Variants in PACRG observed in about 807,000 individuals in gnomAD.
The protein encoded by PACRG is parkin coregulated gene protein.
In PACRG, 29 loss-of-function variants were observed where a neutral mutation model predicts 29.7. The observed-to-expected ratio is 0.98, with a 90% CI of 0.73 to 1.33. The LOEUF is 1.33. Ranked by LOEUF, PACRG falls within the 40% of genes most tolerant of loss-of-function variation. PACRG has a pLI of 0.00. For missense variants in PACRG, 279 were observed against 316.2 expected (o/e 0.88, Z 0.89); for synonymous variants, 116 against 118.7 (o/e 0.98, Z 0.15).
intron 2 of PACRG, among the ~76,000 whole-genome samples, chr6:163,057,536 C>T (rs1810704831): frequency 6.6e-6 from 1 of 152,170 alleles, no homozygotes; most frequent in Non-Finnish European, 1.5e-5. Context: ...CCATCTCAGC[C>T]TCCCAAATAG....
intron 4 of PACRG, among the ~76,000 whole-genome samples, chr6:163,232,268 T>C (rs1303167881): frequency 1.3e-5 from 2 of 152,176 alleles, no homozygotes; most frequent in Non-Finnish European, 2.9e-5. Flanking sequence ...AGAGTTCACC[T>C]GCACCAGGTG....
intron 4 of PACRG, among the ~76,000 whole-genome samples, chr6:163,260,885 G>T (rs1310238692): frequency 6.6e-6 from 1 of 152,088 alleles, no homozygotes; most frequent in Admixed American, 6.5e-5. Context: ...CCTCTCCCAG[G>T]GTCTCAGGAC....
chr6:162,743,586 A>T (rs1356865137), intron 1 of PACRG, among the ~76,000 whole-genome samples: 1 of 152,058 alleles, frequency 6.6e-6, no homozygotes, highest in Non-Finnish European at 1.5e-5. Context: ...CAATTCTTCC[A>T]GTTTTGATAA....
intron 1 of PACRG, among the ~76,000 whole-genome samples, chr6:162,747,782 G>A (rs899182810): frequency 6.6e-6 from 1 of 151,744 alleles, no homozygotes; most frequent in African/African-American, 2.4e-5. Context: ...TAGATCCCAA[G>A]GTAAACTAAG....
chr6:163,045,049 G>A (rs1013062251), intron 2 of PACRG, among the ~76,000 whole-genome samples: 1 of 152,186 alleles, frequency 6.6e-6, no homozygotes, highest in Non-Finnish European at 1.5e-5. Flanking sequence ...AAGGAGGTAG[G>A]CGTGGAGGGA....
chr6:163,264,869 G>T (rs531204031), intron 4 of PACRG, among the ~76,000 whole-genome samples: 1 of 152,262 alleles, frequency 6.6e-6, no homozygotes, highest in South Asian at 2.1e-4. Context: ...CGAGTCTTTC[G>T]CAAGTATGTA....
intron 4 of PACRG, among the ~76,000 whole-genome samples, chr6:163,108,392 CTTTTTTTTT>C (rs528887997): frequency 1.1e-4 from 10 of 90,540 alleles, no homozygotes; most frequent in East Asian, 3.5e-4. Flanking sequence ...TTCTCTTTCC[CTTTTTTTTT>C]TTTTTTTTTT....
At chr6:162,995,179 T>A (rs1433019037) in intron 2 of PACRG, among the ~76,000 whole-genome samples, 1 of 149,598 alleles carries the variant, frequency 6.7e-6, no homozygotes, top group East Asian at 2.0e-4. Context: ...CTGCAGAGGT[T>A]ACTGCTGTCT....
chr6:163,121,706 C>T (rs1816281124), intron 4 of PACRG, among the ~76,000 whole-genome samples: 1 of 148,548 alleles, frequency 6.7e-6, no homozygotes, highest in Admixed American at 6.7e-5. Context: ...CCGTCTGTCA[C>T]CCAAGCTGGA....
rs398003265 is a variant in PACRG at position 163,177,710 on chromosome 6, A to ATTTTTTTTT, written c.613+88321_613+88329dup. Among the ~76,000 whole-genome samples, 353 of 53,732 alleles carry ATTTTTTTTT rather than the reference A, an allele frequency of 6.6e-3. 65 individuals carry two copies. The highest frequency in any genetic ancestry group is 0.016 in the African/African-American group (223 of 13,702). The allele number at this position is 53,732 out of a possible 152,430, so 35.3% of individuals were successfully genotyped here. A position where few individuals can be genotyped will look rare whatever the true frequency, so the allele number is the denominator to read the frequency against. ...TGTTAGCTAAGAAATTAGAAAAGGG[A>ATTTTTTTTT]TTTTTTTTTTTTTTTTTTTTTTTTT... On this transcript the variant is annotated intron_variant, in intron 4 of 4. Coordinates refer to ENST00000366888, the MANE Select transcript of PACRG (RefSeq NM_001080379.2).
chr6:162,906,194 T>C (rs1229312054), intron 2 of PACRG, among the ~76,000 whole-genome samples: 2 of 152,356 alleles, frequency 1.3e-5, no homozygotes, highest in African/African-American at 4.8e-5. Flanking sequence ...ATTAAAATAA[T>C]TACTTTGTAT....
intron 4 of PACRG, among the ~76,000 whole-genome samples, chr6:163,192,444 T>C (rs1780256758): frequency 6.6e-6 from 1 of 152,236 alleles, no homozygotes; most frequent in African/African-American, 2.4e-5. Flanking sequence ...AGCTGTATTT[T>C]CCCCTCTGGT....
intron 2 of PACRG, among the ~76,000 whole-genome samples, chr6:163,015,539 T>G (rs1424674971): frequency 6.6e-6 from 1 of 152,184 alleles, no homozygotes; most frequent in East Asian, 1.9e-4. Flanking sequence ...AGCAGTATTT[T>G]GTAGTTCTGC....
chr6:162,810,052 T>C (rs9364672), intron 1 of PACRG, among the ~76,000 whole-genome samples: 65,692 of 151,962 alleles, frequency 0.43, 16,048 homozygotes, highest in African/African-American at 0.65. Flanking sequence ...GAGGCCACAC[T>C]GTTTATGATG....
intron 4 of PACRG, among the ~76,000 whole-genome samples, chr6:163,300,929 A>G (rs28684381): frequency 0.082 from 4,497 of 54,704 alleles, 59 homozygotes; most frequent in Middle Eastern, 0.19. Flanking sequence ...GTAGGGCCAC[A>G]TCCACTGCTT....
In PACRG at chr6:163,021,651, A is replaced by C. The variant is rs557265491; in HGVS notation, c.292-40499A>C. On this transcript the variant is annotated intron_variant, in intron 2 of 4. Transcript: ENST00000366888. ...TTCTGATGAACTCTAAGCTCCTGAC[A>C]GCCTCCCTCCTGACCTGGCTCCTTC... Among the ~76,000 whole-genome samples the C allele has an allele frequency of 3.3e-5, 5 of 152,098 alleles. No homozygotes were observed. In the South Asian group the frequency reaches 1.0e-3, roughly 32 times the overall value.
chr6:163,156,899 G>C (rs553926671), intron 4 of PACRG, among the ~76,000 whole-genome samples: 1 of 152,266 alleles, frequency 6.6e-6, no homozygotes, highest in East Asian at 1.9e-4. Context: ...GCCAGTTTAA[G>C]GACCATCGTG....
intron 2 of PACRG, among the ~76,000 whole-genome samples, chr6:162,892,819 C>T (rs900092607): frequency 6.6e-6 from 1 of 152,082 alleles, no homozygotes; most frequent in Non-Finnish European, 1.5e-5. Context: ...AGTAAAGCTC[C>T]AGCCACTGAC....
chr6:162,937,153 G>A (rs1798292416), intron 2 of PACRG, among the ~76,000 whole-genome samples: 1 of 152,174 alleles, frequency 6.6e-6, no homozygotes, highest in African/African-American at 2.4e-5. Flanking sequence ...CAATCCTGAT[G>A]AACCTTGAAG....
Sources: gnomAD v4.1 joint callset for allele counts (sites outside exome capture counted in the v4.1 genomes callset) on GRCh38, gnomAD v4.1.1 for gene constraint, MANE v1.5 for transcripts, NCBI Gene and HGNC (gene_info 2026-07-23, HGNC 2026-07-21) for gene names.